Variants in CTNNA2 observed in about 807,000 individuals in gnomAD.
The protein encoded by CTNNA2 is catenin alpha 2.
In CTNNA2, 42 loss-of-function variants were observed where a neutral mutation model predicts 101.0. That is an observed-to-expected ratio of 0.42 (90% CI 0.32 to 0.54). The LOEUF (loss-of-function observed/expected upper bound fraction) is 0.54, where lower values mean the gene tolerates loss of function less well. Among genes scored for constraint, CTNNA2 ranks in the 20% least tolerant of loss-of-function variants. CTNNA2 has a pLI of 0.14. For missense variants in CTNNA2, 871 were observed against 1,223.1 expected (o/e 0.71, Z 4.29); for synonymous variants, 450 against 456.4 (o/e 0.99, Z 0.18).
At chr2:80,376,497 C>G (rs186327880) in intron 7 of CTNNA2, among the ~76,000 whole-genome samples, 1 of 150,192 alleles carries the variant, frequency 6.7e-6, no homozygotes, top group East Asian at 2.0e-4. Flanking sequence ...AGTAAATTGT[C>G]TATGTAACAT....
chr2:80,006,245 G>A (rs902343463), intron 7 of CTNNA2, among the ~76,000 whole-genome samples: 1 of 151,614 alleles, frequency 6.6e-6, no homozygotes. Flanking sequence ...CATGATTCTA[G>A]ATATGCATAT....
chr2:80,058,789 C>A (rs1442099443), intron 7 of CTNNA2, among the ~76,000 whole-genome samples: 2 of 152,062 alleles, frequency 1.3e-5, no homozygotes, highest in African/African-American at 2.4e-5. Context: ...CCCCCAGACC[C>A]CCTGCTAAGC....
intron 1 of CTNNA2, among the ~76,000 whole-genome samples, chr2:79,603,536 A>G (rs1677684911): frequency 6.6e-6 from 1 of 152,106 alleles, no homozygotes; most frequent in Non-Finnish European, 1.5e-5. Context: ...GAAGAATTCC[A>G]TAGTAATAAT....
intron 4 of CTNNA2, among the ~76,000 whole-genome samples, chr2:79,479,106 G>A (rs1671082164): frequency 6.6e-6 from 1 of 152,162 alleles, no homozygotes; most frequent in African/African-American, 2.4e-5. Context: ...ACATGGTCTA[G>A]TCATATTTTA....
At position 79,963,070 on chromosome 2, in the gene CTNNA2, CAAAAAAAAAA is replaced by C. The variant is rs56764501; in HGVS notation, c.1056+53290_1056+53299del. On this transcript the variant is annotated intron_variant, in intron 7 of 18. Transcript: ENST00000402739. ...TGGGCGACAGAGCCAGACTCCGTCT[CAAAAAAAAAA>C]AAAAAAAAAAAAAAAATGTTACACA... is the stretch of plus-strand genomic sequence containing the variant. Among the ~76,000 whole-genome samples the C allele has an allele frequency of 1.1e-4, 7 of 66,190 alleles. No homozygotes were observed. The East Asian group carries it at 1.8e-3, about 17-fold the overall frequency. The allele number at this position is 66,190 out of a possible 152,430, so 43.4% of individuals were successfully genotyped here.
intron 4 of CTNNA2, among the ~76,000 whole-genome samples, chr2:79,380,490 C>T (rs1333119197): frequency 6.6e-6 from 1 of 152,152 alleles, no homozygotes; most frequent in African/African-American, 2.4e-5. Flanking sequence ...CTGAATCACA[C>T]AGCACAGAAC....
chr2:80,420,856 A>C (rs569511455), intron 9 of CTNNA2, among the ~76,000 whole-genome samples: 1 of 152,328 alleles, frequency 6.6e-6, no homozygotes, highest in East Asian at 1.9e-4. Context: ...TGGCCACAAT[A>C]ATGGAAGCTT....
intron 4 of CTNNA2, among the ~76,000 whole-genome samples, chr2:79,389,700 G>T (rs549476965): frequency 6.6e-6 from 1 of 152,108 alleles, no homozygotes; most frequent in Non-Finnish European, 1.5e-5. Flanking sequence ...ATTGGCTTAG[G>T]ATTTTTAAAC....
chr2:80,320,150 A>G (rs1197268269), intron 7 of CTNNA2, among the ~76,000 whole-genome samples: 1 of 152,224 alleles, frequency 6.6e-6, no homozygotes, highest in Non-Finnish European at 1.5e-5. Context: ...AACAGGATTA[A>G]TAGTCTTGCC....
chr2:80,210,836 T>A (rs1429924253), intron 7 of CTNNA2, among the ~76,000 whole-genome samples: 1 of 152,164 alleles, frequency 6.6e-6, no homozygotes. Flanking sequence ...CCACCAACAG[T>A]GTAAAAGTGT....
chr2:79,212,816 TC>T (rs1379380574), intron 2 of CTNNA2, among the ~76,000 whole-genome samples: 2 of 152,182 alleles, frequency 1.3e-5, no homozygotes, highest in Non-Finnish European at 2.9e-5. Flanking sequence ...AATTTGCCAG[TC>T]CTGGGCAGGG....
chr2:80,050,370 A>C (rs985700597), intron 7 of CTNNA2, among the ~76,000 whole-genome samples: 1 of 152,046 alleles, frequency 6.6e-6, no homozygotes, highest in Non-Finnish European at 1.5e-5. Flanking sequence ...GACTCAACAG[A>C]CTCGGGGTCT....
intron 9 of CTNNA2, among the ~76,000 whole-genome samples, chr2:80,486,698 A>G (rs563746780): frequency 6.6e-6 from 1 of 152,226 alleles, no homozygotes; most frequent in South Asian, 2.1e-4. Flanking sequence ...TTTTGAAATG[A>G]TTTTAGACTG....
chr2:80,364,523 A>G (rs1674720483), intron 7 of CTNNA2, among the ~76,000 whole-genome samples: 1 of 148,718 alleles, frequency 6.7e-6, no homozygotes, highest in Non-Finnish European at 1.5e-5. Context: ...TAAGTTTCCC[A>G]TGGATGTCTG....
At chr2:79,574,432 A>G (rs914565474) in intron 1 of CTNNA2, among the ~76,000 whole-genome samples, 6 of 151,948 alleles carry the variant, frequency 3.9e-5, no homozygotes, top group Non-Finnish European at 7.4e-5. Context: ...TGTGTATTCA[A>G]TGTTTAACTA....
intron 7 of CTNNA2, chr2:80,313,694 G>T (rs890632486): frequency 7.9e-5 from 116 of 1,475,764 alleles, no homozygotes; most frequent in Non-Finnish European, 1.0e-4. Flanking sequence ...TGTGAATTTA[G>T]TGCCAGATTG....
At position 80,302,040 on chromosome 2, in the gene CTNNA2, T is replaced by C. The variant is rs921312594; in HGVS notation, c.1057-91171T>C. Reference sequence around the variant, plus strand: ...TTAAGATAGACTGTCCTGAAGGTTGTGGGGTGGGGTTTTTTGTTGTGTTTT... The same window carrying C: ...TTAAGATAGACTGTCCTGAAGGTTGCGGGGTGGGGTTTTTTGTTGTGTTTT... On this transcript the variant is annotated intron_variant, in intron 7 of 18. Transcript: ENST00000402739. This position sits in a 1 kb window ranked among gnomAD's most constrained non-coding sequence, Gnocchi z 6.4. 3 of 581,674 alleles carry C rather than the reference T, an allele frequency of 5.2e-6. No homozygotes were observed. The highest frequency in any genetic ancestry group is 1.9e-5 in the African/African-American group (1 of 53,620). 36.0% of individuals were successfully genotyped at this position (581,674 alleles called of 1,614,324 possible).
At chr2:80,528,114 T>C (rs1350854915) in intron 9 of CTNNA2, among the ~76,000 whole-genome samples, 1 of 152,234 alleles carries the variant, frequency 6.6e-6, no homozygotes, top group Non-Finnish European at 1.5e-5. Flanking sequence ...TGGATGGAGA[T>C]GTGGGGCACA....
intron 7 of CTNNA2, among the ~76,000 whole-genome samples, chr2:80,070,814 C>A (rs1214543380): frequency 1.3e-5 from 2 of 152,012 alleles, no homozygotes; most frequent in Non-Finnish European, 1.5e-5. Flanking sequence ...GGAATCTCAT[C>A]TCCTTTCTTC....
Sources: gnomAD v4.1 joint callset for allele counts (sites outside exome capture counted in the v4.1 genomes callset) on GRCh38, gnomAD v4.1.1 for gene constraint, Gnocchi (gnomAD v3.1) non-coding constraint, MANE v1.5 for transcripts, NCBI Gene and HGNC (gene_info 2026-07-23, HGNC 2026-07-21) for gene names.